Variants in SCOC observed in about 807,000 individuals in gnomAD.
SCOC encodes short coiled-coil protein.
A neutral mutation model predicts 9.9 loss-of-function variants in SCOC; 7 were observed. That is an observed-to-expected ratio of 0.71 (90% CI 0.40 to 1.33). The LOEUF (loss-of-function observed/expected upper bound fraction) is 1.33, where lower values mean the gene tolerates loss of function less well. Ranked by LOEUF, SCOC falls within the 40% of genes most tolerant of loss-of-function variation. SCOC has a pLI of 0.01. For synonymous variants in SCOC, 19 were observed against 28.2 expected (o/e 0.67, Z 1.03); for missense variants, 66 against 89.7 (o/e 0.74, Z 1.07).
chr4:140,355,228 T>TAC (rs1560716587), intron 2 of SCOC, among the ~76,000 whole-genome samples: 3 of 128,768 alleles, frequency 2.3e-5, no homozygotes, highest in East Asian at 4.4e-4. Context: ...TATATATATA[T>TAC]ATATATATAT....
intron 1 of SCOC, among the ~76,000 whole-genome samples, chr4:140,298,540 C>T (rs573331088): frequency 4.7e-4 from 71 of 152,298 alleles, no homozygotes; most frequent in Admixed American, 9.1e-4. Flanking sequence ...TCCCCATGCC[C>T]GTGCCAGGCT....
At chr4:140,341,170 A>G (rs990923244), upstream of SCOC, among the ~76,000 whole-genome samples, 35 of 152,198 alleles carry the variant, frequency 2.3e-4, no homozygotes, top group African/African-American at 8.2e-4. Flanking sequence ...GAAAAAAGGC[A>G]AAGAATCAAG....
At position 140,303,914 on chromosome 4, in the gene SCOC, G is replaced by T. The variant is rs1417276282; in HGVS notation, c.-18-39707G>T. 3.3e-5 allele frequency among the ~76,000 whole-genome samples: 5 copies of T among 152,262 alleles called. No homozygotes were observed. The South Asian group carries it at 8.3e-4, about 25-fold the overall frequency. Reference sequence around the variant, plus strand: ...CACCTCCGTTACCTACATACGATTTGCTCATTTAATCATTTATTCAACAAA... The same window carrying T: ...CACCTCCGTTACCTACATACGATTTTCTCATTTAATCATTTATTCAACAAA... On this transcript the variant is annotated intron_variant, in intron 1 of 4. Transcript: ENST00000394205.
chr4:140,345,345 C>A (rs1049506287), intron 2 of SCOC, among the ~76,000 whole-genome samples: 1 of 152,136 alleles, frequency 6.6e-6, no homozygotes, highest in Non-Finnish European at 1.5e-5. Flanking sequence ...AGCATAATAA[C>A]CAGTGGTGGA....
At chr4:140,355,783 T>C (rs1322580012) in intron 2 of SCOC, among the ~76,000 whole-genome samples, 4 of 152,156 alleles carry the variant, frequency 2.6e-5, no homozygotes, top group South Asian at 2.1e-4. Flanking sequence ...ATTACAACCA[T>C]GCAAAAGTAA....
intron 1 of SCOC, among the ~76,000 whole-genome samples, chr4:140,313,790 T>A (rs962429074): frequency 6.7e-6 from 1 of 149,926 alleles, no homozygotes; most frequent in African/African-American, 2.5e-5. Context: ...AATTCAGTCC[T>A]GTTTTTTTTT....
chr4:140,379,520 A>ATT (rs2126601221), intron 2 of SCOC, 49 bp from the exon 3 acceptor site: 1 of 1,359,106 alleles, frequency 7.4e-7, no homozygotes, highest in East Asian at 2.3e-5. Context: ...TACCCTACAC[A>ATT]AATGTACCTA....
upstream of SCOC, among the ~76,000 whole-genome samples, chr4:140,371,354 T>C (rs1009066467): frequency 2.0e-5 from 3 of 152,240 alleles, no homozygotes; most frequent in East Asian, 3.8e-4. Context: ...TACGGCGATA[T>C]ACAGACATAC....
At chr4:140,323,417 AT>A (rs1732556914) in intron 1 of SCOC, among the ~76,000 whole-genome samples, 1 of 152,190 alleles carries the variant, frequency 6.6e-6, no homozygotes, top group Non-Finnish European at 1.5e-5. Flanking sequence ...AGCCTCATGT[AT>A]TCCTTTATAG....
At chr4:140,361,442 T>C (rs1364556629) in intron 2 of SCOC, among the ~76,000 whole-genome samples, 1 of 152,058 alleles carries the variant, frequency 6.6e-6, no homozygotes, top group East Asian at 1.9e-4. Context: ...GGTGGGAGGA[T>C]CACTTGAGCC....
intron 1 of SCOC, among the ~76,000 whole-genome samples, chr4:140,303,541 A>G (rs1480840968): frequency 3.9e-5 from 6 of 152,118 alleles, no homozygotes; most frequent in Non-Finnish European, 8.8e-5. Context: ...TCTTTCCTTT[A>G]TAGCTATCTA....
At chr4:140,366,416 G>T (rs548427403) in intron 2 of SCOC, 265 of 1,333,944 alleles carry the variant, frequency 2.0e-4, no homozygotes, top group Middle Eastern at 7.1e-4. Context: ...AGCTGCAGCA[G>T]CAGTAGCACG....
chr4:140,319,386 T>A (rs2126479690), intron 1 of SCOC, among the ~76,000 whole-genome samples: 1 of 152,240 alleles, frequency 6.6e-6, no homozygotes, highest in Admixed American at 6.5e-5. Context: ...CCACTGTGCC[T>A]GGCCCAAAAC....
intron 1 of SCOC, among the ~76,000 whole-genome samples, chr4:140,269,004 G>A (rs912391592): frequency 3.3e-5 from 5 of 152,206 alleles, no homozygotes; most frequent in African/African-American, 1.2e-4. Flanking sequence ...GATGAAGACG[G>A]TCATGGGGAA....
Position 140,379,127 on chromosome 4 carries a change from C to A in SCOC, c.-44C>A. 1.3e-6 allele frequency: 2 copies of A among 1,591,044 alleles called. No individual in the cohort carries two copies. Among genetic ancestry groups the A allele is most frequent in the South Asian group, 1.1e-5 (1 of 90,556 alleles). ...TGAATTTTTCTTATTGTAGACCATTCCTCAAGAATTTTGTATCCAAGGCCC... is the reference window on the plus strand; with the variant it reads ...TGAATTTTTCTTATTGTAGACCATTACTCAAGAATTTTGTATCCAAGGCCC... On this transcript the variant is annotated 5_prime_UTR_variant, in exon 2 of 4. Coordinates refer to ENST00000608372, the MANE Select transcript of SCOC (RefSeq NM_001153484.2).
intron 1 of SCOC, among the ~76,000 whole-genome samples, chr4:140,299,962 G>A (rs967995456): frequency 1.2e-4 from 19 of 152,286 alleles, no homozygotes; most frequent in Admixed American, 1.0e-3. Context: ...CCACTAATGG[G>A]GGTAAGAGAG....
intron 1 of SCOC, among the ~76,000 whole-genome samples, chr4:140,320,542 G>C (rs184510822): frequency 5.9e-5 from 9 of 152,266 alleles, no homozygotes; most frequent in African/African-American, 1.7e-4. Flanking sequence ...ATGAGAGTGT[G>C]AAGTCCCAGG....
At chr4:140,288,489 A>G (rs1182222661) in intron 1 of SCOC, among the ~76,000 whole-genome samples, 2 of 152,014 alleles carry the variant, frequency 1.3e-5, no homozygotes, top group Non-Finnish European at 2.9e-5. Context: ...ACACATAAGT[A>G]CACACCACAA....
At chr4:140,343,510 G>A (rs940368658) in intron 1 of SCOC, 2 of 659,070 alleles carry the variant, frequency 3.0e-6, no homozygotes, top group Admixed American at 2.4e-5. Flanking sequence ...AGGGTGGCTA[G>A]TGCAAGGATC....
Sources: allele counts gnomAD v4.1 joint callset (sites outside exome capture counted in the v4.1 genomes callset), GRCh38; gene constraint gnomAD v4.1.1; transcripts MANE v1.5; gene names NCBI Gene and HGNC (gene_info 2026-07-23, HGNC 2026-07-21).